Variants in NBEA observed in about 807,000 individuals in gnomAD.
NBEA encodes the protein neurobeachin.
Under a neutral mutation model 343.4 loss-of-function variants are expected in NBEA, and 44 were observed. The ratio of observed to expected loss-of-function variants is 0.13; its 90% confidence interval spans 0.10 to 0.16. The LOEUF (loss-of-function observed/expected upper bound fraction) is 0.16, where lower values mean the gene tolerates loss of function less well. NBEA is among the 10% of genes least tolerant of loss of function. The pLI is 1.00. For synonymous variants in NBEA, 1,175 were observed against 1,238.7 expected, an observed-to-expected ratio of 0.95 and a Z score of 1.08; for missense variants, 2,555 against 3,631.3, an observed-to-expected ratio of 0.70 and a Z score of 7.62.
At chr13:35,651,759 T>C in intron 52 of NBEA, 46 bp from the exon 53 acceptor site, 8 of 1,176,756 alleles carry the variant, frequency 6.8e-6, no homozygotes, top group Non-Finnish European at 8.7e-6. Flanking sequence ...AATCCCTTCT[T>C]TCTGAGAATT....
intron 27 of NBEA, among the ~76,000 whole-genome samples, chr13:35,175,360 G>T (rs904601330): frequency 2.0e-5 from 3 of 152,136 alleles, no homozygotes; most frequent in African/African-American, 7.2e-5. Flanking sequence ...TTACTGATTT[G>T]TTCCCCTGTC....
chr13:35,648,180 C>CTTTTT (rs949635885), intron 51 of NBEA, among the ~76,000 whole-genome samples: 2 of 104,152 alleles, frequency 1.9e-5, no homozygotes, highest in African/African-American at 3.8e-5. Flanking sequence ...TGTTTAAACT[C>CTTTTT]TTTTTTTTTT....
intron 8 of NBEA, 103 bp downstream of exon 8, chr13:35,058,966 T>A: frequency 2.0e-6 from 2 of 996,328 alleles, no homozygotes; most frequent in South Asian, 6.0e-5. Context: ...TTAAGAGTCA[T>A]TTCTATTTTT....
intron 31 of NBEA, among the ~76,000 whole-genome samples, chr13:35,203,677 T>C (rs566544806): frequency 2.0e-5 from 3 of 152,310 alleles, no homozygotes; most frequent in Admixed American, 6.5e-5. Flanking sequence ...AGCTTTGAGA[T>C]AGGATAAATT....
At chr13:35,476,033 T>C in intron 41 of NBEA, 1 of 1,614,206 alleles carries the variant, frequency 6.2e-7, no homozygotes, top group Admixed American at 1.7e-5. Context: ...GAAACTACTT[T>C]GCAGACTTCC....
rs1175732445 is a variant in NBEA, at chr13:35,156,150, T to C, written c.2595T>C (p.Arg865=). 6.3e-7 allele frequency: 1 copy of C among 1,591,780 alleles called. No homozygotes were observed. Among genetic ancestry groups the C allele is most frequent in the Admixed American group, 1.8e-5 (1 of 55,556 alleles). ...STPSAELMEV[R]RLFLSDMIKL... ...CAAGTGCAGAGCTGATGGAAGTTCGTCGTTTATTTTTATCTGATATGATAA... is the reference window on the plus strand; with the variant it reads ...CAAGTGCAGAGCTGATGGAAGTTCGCCGTTTATTTTTATCTGATATGATAA... The change falls in exon 20 of 59, where the codon CGT becomes CGC. Residue 865 remains arginine (R), a synonymous_variant. Coordinates refer to ENST00000379939, the MANE Select transcript of NBEA (RefSeq NM_001385012.1).
intron 34 of NBEA, among the ~76,000 whole-genome samples, chr13:35,242,531 T>A (rs892730324): frequency 6.6e-6 from 1 of 151,886 alleles, no homozygotes; most frequent in Non-Finnish European, 1.5e-5. Context: ...ATTTTAGGAA[T>A]CAGACATACG....
At chr13:35,032,155 G>A (rs575837142) in intron 1 of NBEA, among the ~76,000 whole-genome samples, 3 of 151,742 alleles carry the variant, frequency 2.0e-5, no homozygotes, top group South Asian at 2.1e-4. Context: ...TATTCCTCTG[G>A]ATATATACCC....
intron 28 of NBEA, chr13:35,179,713 G>A (rs1276444863): frequency 3.2e-6 from 3 of 924,112 alleles, no homozygotes; most frequent in African/African-American, 1.8e-5. Flanking sequence ...TGATTGCCTG[G>A]TACTGAGTTT....
intron 33 of NBEA, among the ~76,000 whole-genome samples, chr13:35,220,420 C>T (rs1258668785): frequency 1.3e-5 from 2 of 152,074 alleles, no homozygotes; most frequent in African/African-American, 2.4e-5. Flanking sequence ...TTTTTAGTTC[C>T]TATTTCTCTA....
intron 8 of NBEA, among the ~76,000 whole-genome samples, chr13:35,062,125 T>C (rs1242976361): frequency 6.6e-6 from 1 of 151,512 alleles, no homozygotes; most frequent in Non-Finnish European, 1.5e-5. Flanking sequence ...CTATTATAAC[T>C]AGTGAGGTAG....
chr13:35,212,162 C>T (rs2073819902), intron 33 of NBEA, among the ~76,000 whole-genome samples: 1 of 152,152 alleles, frequency 6.6e-6, no homozygotes, highest in African/African-American at 2.4e-5. Flanking sequence ...GCACTTTTTT[C>T]CCAGTCACTG....
intron 34 of NBEA, among the ~76,000 whole-genome samples, chr13:35,287,860 G>A (rs2035537695): frequency 6.6e-6 from 1 of 151,764 alleles, no homozygotes; most frequent in Admixed American, 6.6e-5. Context: ...CAATTTTTAT[G>A]TATCAAATGA....
intron 38 of NBEA, among the ~76,000 whole-genome samples, chr13:35,356,919 G>A (rs1012241151): frequency 6.6e-6 from 1 of 151,996 alleles, no homozygotes; most frequent in Non-Finnish European, 1.5e-5. Flanking sequence ...ATCAAAAATT[G>A]CACACCACAT....
intron 27 of NBEA, among the ~76,000 whole-genome samples, chr13:35,174,391 C>T (rs2070714550): frequency 6.6e-6 from 1 of 152,030 alleles, no homozygotes; most frequent in South Asian, 2.1e-4. Flanking sequence ...CATAAAATTA[C>T]ATAGGTCTGT....
At chr13:35,664,765 T>C (rs111576044) in intron 55 of NBEA, among the ~76,000 whole-genome samples, 1 of 152,228 alleles carries the variant, frequency 6.6e-6, no homozygotes, top group East Asian at 1.9e-4. Context: ...GTAACACAGA[T>C]AAATGCCTTA....
chr13:35,069,514 C>G lies in NBEA; in HGVS notation c.1240-394C>G, dbSNP rs866316795. 2.0e-5 allele frequency among the ~76,000 whole-genome samples: 3 copies of G among 151,926 alleles called. No individual in the cohort carries two copies. In the East Asian group the frequency reaches 5.8e-4, roughly 29 times the overall value. Reference sequence around the variant, plus strand: ...ATAGCCTCAAATGATAGTCATTTTTCTCTATAAGTAATTCATGTGCCAGGC... The same window carrying G: ...ATAGCCTCAAATGATAGTCATTTTTGTCTATAAGTAATTCATGTGCCAGGC... On this transcript the variant is annotated intron_variant, in intron 8 of 58. Coordinates refer to ENST00000379939, the MANE Select transcript of NBEA (RefSeq NM_001385012.1).
chr13:35,208,573 A>C (rs1593753533), intron 31 of NBEA, 127 bp from the exon 32 acceptor site: 1 of 786,894 alleles, frequency 1.3e-6, no homozygotes, highest in African/African-American at 1.8e-5. Flanking sequence ...TAAGGAGTTT[A>C]AAATTTTTTT....
intron 56 of NBEA, 28 bp downstream of exon 56, chr13:35,665,214 T>C (rs1238052715): frequency 6.6e-7 from 1 of 1,509,622 alleles, no homozygotes; most frequent in Non-Finnish European, 9.1e-7. Context: ...TCATTTTCAA[T>C]GTCTAGAAGA....
Sources: gnomAD v4.1 joint callset for allele counts (sites outside exome capture counted in the v4.1 genomes callset) on GRCh38, gnomAD v4.1.1 for gene constraint, MANE v1.5 for transcripts, NCBI Gene and HGNC (gene_info 2026-07-23, HGNC 2026-07-21) for gene names.